TXNDC16: variants seen among roughly 807,000 people sequenced by gnomAD.
TXNDC16 encodes the protein thioredoxin domain-containing protein 16.
In TXNDC16, 74 loss-of-function variants were observed where a neutral mutation model predicts 85.6. The observed-to-expected ratio is 0.86, with a 90% confidence interval of 0.72 to 1.05. The LOEUF (loss-of-function observed/expected upper bound fraction) is 1.05. Among genes scored for constraint, TXNDC16 ranks in the 50% least tolerant of loss-of-function variants. TXNDC16 has a pLI of 0.00. For synonymous variants in TXNDC16, 335 were observed against 326.5 expected (o/e 1.03, Z -0.28); for missense variants, 959 against 947.0 (o/e 1.01, Z -0.17).
At chr14:52,471,639 G>A (rs765833007) in intron 14 of TXNDC16, among the ~76,000 whole-genome samples, 6 of 151,898 alleles carry the variant, frequency 4.0e-5, no homozygotes, top group Non-Finnish European at 8.8e-5. Context: ...TTGAGAGCAG[G>A]GACTATGTCT....
chr14:52,482,778 T>A, intron 13 of TXNDC16, 44 bp downstream of exon 13: 1 of 1,512,308 alleles, frequency 6.6e-7, no homozygotes. Flanking sequence ...TCTGGGTTTT[T>A]AAATGTCCTA....
At position 52,430,900 on chromosome 14, in the gene TXNDC16, A is replaced by C. The variant is rs2140094024; in HGVS notation, c.*1404T>G. 1 of 152,344 alleles carries C rather than the reference A, an allele frequency of 6.6e-6. No individual in the cohort carries two copies. The highest frequency in any genetic ancestry group is 2.1e-4 in the South Asian group (1 of 4,820). 9.4% of individuals were successfully genotyped at this position (152,344 alleles called of 1,614,324 possible). On this transcript the variant is annotated 3_prime_UTR_variant, in exon 21 of 21. Transcript: ENST00000281741. ...CAACGGGTCTATGTTATAAGGAAATATATGCACTTACTGAGTTTTAGCTGT... is the reference window on the plus strand; with the variant it reads ...CAACGGGTCTATGTTATAAGGAAATCTATGCACTTACTGAGTTTTAGCTGT...
In TXNDC16 at chr14:52,521,139, G is replaced by C. The variant is rs189453938; in HGVS notation, c.393-1846C>G. ...GTTTTACTTTTTTTTTTGAGACGAA[G>C]TCTTGCTCTGTCGCCCGGGCTAGAG... On this transcript the variant is annotated intron_variant, in intron 6 of 20. Transcript: ENST00000281741. Among the ~76,000 whole-genome samples the C allele has an allele frequency of 2.8e-4, 42 of 151,778 alleles. 1 individual carries two copies. In the Middle Eastern group the frequency reaches 0.02, roughly 74 times the overall value.
intron 16 of TXNDC16, among the ~76,000 whole-genome samples, chr14:52,462,104 G>C (rs754979255): frequency 2.0e-5 from 3 of 152,170 alleles, no homozygotes; most frequent in Non-Finnish European, 4.4e-5. Context: ...AACACATATA[G>C]ACATAGAGAC....
chr14:52,460,919 G>T (rs2061380), intron 16 of TXNDC16, among the ~76,000 whole-genome samples: 16,044 of 151,756 alleles, frequency 0.11, 1,016 homozygotes, highest in East Asian at 0.18. Flanking sequence ...TTCTAAAGCT[G>T]ATTTTAATAA....
At position 52,530,944 on chromosome 14, in the gene TXNDC16, T is replaced by C. The variant is rs148370142; in HGVS notation, c.392+5775A>G. 3.1e-4 allele frequency among the ~76,000 whole-genome samples: 47 copies of C among 151,482 alleles called. No individual in the cohort carries two copies. The East Asian group carries it at 8.2e-3, about 26-fold the overall frequency. The stretch of plus-strand genomic sequence containing the variant: ...TCTGGGAGAAAATACTTGTGAAAAA[T>C]ATATCTGATGAAGCACTGTTACCCA... On this transcript the variant is annotated intron_variant, in intron 6 of 20. Transcript: ENST00000281741.
chr14:52,440,040 G>A (rs1300928869), intron 19 of TXNDC16, among the ~76,000 whole-genome samples: 2 of 152,090 alleles, frequency 1.3e-5, no homozygotes, highest in South Asian at 2.1e-4. Flanking sequence ...AATGTACACT[G>A]CCCCATTTCT....
At chr14:52,486,868 A>G (rs1292331170) in intron 12 of TXNDC16, among the ~76,000 whole-genome samples, 1 of 152,196 alleles carries the variant, frequency 6.6e-6, no homozygotes, top group African/African-American at 2.4e-5. Context: ...AATGATGGAT[A>G]CACTCAATAC....
intron 9 of TXNDC16, among the ~76,000 whole-genome samples, chr14:52,505,130 T>C (rs895687795): frequency 2.0e-5 from 3 of 152,174 alleles, no homozygotes; most frequent in Admixed American, 6.5e-5. Flanking sequence ...TGGGAGACTT[T>C]AACACCCCAC....
At chr14:52,546,442 C>T (rs2037943831) in intron 1 of TXNDC16, among the ~76,000 whole-genome samples, 1 of 152,182 alleles carries the variant, frequency 6.6e-6, no homozygotes, top group African/African-American at 2.4e-5. Flanking sequence ...TACACTTAAG[C>T]TCCCTCCATC....
intron 6 of TXNDC16, among the ~76,000 whole-genome samples, chr14:52,530,014 A>G (rs1460412474): frequency 9.5e-6 from 1 of 104,848 alleles, no homozygotes; most frequent in African/African-American, 3.9e-5. Context: ...TATATATTAT[A>G]TATTATATGT....
chr14:52,509,200 G>A (rs1240517702), intron 9 of TXNDC16, among the ~76,000 whole-genome samples: 1 of 151,888 alleles, frequency 6.6e-6, no homozygotes, highest in South Asian at 2.1e-4. Flanking sequence ...GAAACTTTAG[G>A]AAAGGGCACA....
intron 14 of TXNDC16, among the ~76,000 whole-genome samples, chr14:52,471,578 T>C (rs2035909027): frequency 6.6e-6 from 1 of 152,182 alleles, no homozygotes; most frequent in East Asian, 1.9e-4. Flanking sequence ...CCTTATGTAA[T>C]TATATACTAT....
chr14:52,435,761 G>C (rs141019144), intron 20 of TXNDC16, among the ~76,000 whole-genome samples: 42 of 152,100 alleles, frequency 2.8e-4, no homozygotes, highest in African/African-American at 8.4e-4. Flanking sequence ...AACAGTTCAA[G>C]ACCAGCCTGG....
chr14:52,447,877 C>T (rs774079945), intron 18 of TXNDC16, among the ~76,000 whole-genome samples: 43 of 151,804 alleles, frequency 2.8e-4, no homozygotes, highest in Non-Finnish European at 5.9e-4. Context: ...AATTCTGGAG[C>T]TCAAAAATGC....
intron 6 of TXNDC16, among the ~76,000 whole-genome samples, chr14:52,531,227 G>A (rs1318017506): frequency 2.0e-5 from 3 of 152,082 alleles, no homozygotes; most frequent in Admixed American, 6.6e-5. Flanking sequence ...GTGGGAATGC[G>A]AAATGGTACA....
At chr14:52,505,494 A>G (rs1209632882) in intron 9 of TXNDC16, among the ~76,000 whole-genome samples, 1 of 152,244 alleles carries the variant, frequency 6.6e-6, no homozygotes, top group African/African-American at 2.4e-5. Flanking sequence ...TGAAGGCAGA[A>G]ATAAAGATGT....
intron 18 of TXNDC16, among the ~76,000 whole-genome samples, chr14:52,448,704 C>A (rs2035339957): frequency 6.6e-6 from 1 of 151,928 alleles, no homozygotes; most frequent in South Asian, 2.1e-4. Context: ...ATGGACCAAT[C>A]AAAAATAATA....
intron 4 of TXNDC16, among the ~76,000 whole-genome samples, chr14:52,538,280 G>A (rs761664389): frequency 3.9e-5 from 6 of 152,054 alleles, no homozygotes; most frequent in Non-Finnish European, 7.4e-5. Context: ...CAGCAATCAC[G>A]GACCATAAGG....
Sources: gnomAD v4.1 joint callset for allele counts (sites outside exome capture counted in the v4.1 genomes callset) on GRCh38, gnomAD v4.1.1 for gene constraint, MANE v1.5 for transcripts, NCBI Gene and HGNC (gene_info 2026-07-23, HGNC 2026-07-21) for gene names.